Variants in PCDHA5 observed in about 807,000 individuals in gnomAD.
PCDHA5 encodes the protein protocadherin alpha-5.
PCDHA5 carries 43 observed loss-of-function variants against 61.6 expected under a neutral mutation model. That is an observed-to-expected ratio of 0.70 (90% CI 0.55 to 0.90). PCDHA5 has a LOEUF of 0.90. PCDHA5 is among the 40% of genes least tolerant of loss of function. PCDHA5 has a pLI of 0.00. For missense variants in PCDHA5, 1,298 were observed against 1,222.7 expected (o/e 1.06, Z -0.92); for synonymous variants, 627 against 543.9 (o/e 1.15, Z -2.13).
intron 1 of PCDHA5, among the ~76,000 whole-genome samples, chr5:140,963,448 A>G (rs567394961): frequency 1.3e-5 from 2 of 152,370 alleles, no homozygotes; most frequent in Non-Finnish European, 2.9e-5. Flanking sequence ...CTCTGTTGCT[A>G]AAGTATTTCT....
At chr5:140,932,707 A>G (rs147056775) in intron 1 of PCDHA5, among the ~76,000 whole-genome samples, 1 of 152,086 alleles carries the variant, frequency 6.6e-6, no homozygotes, top group African/African-American at 2.4e-5. Flanking sequence ...CATATAGACA[A>G]CACAATAATA....
In PCDHA5 at chr5:140,822,826, A is replaced by G; in HGVS notation, c.1051A>G (p.Ile351Val). 1.9e-6 allele frequency: 3 copies of G among 1,614,232 alleles called. No individual in the cohort carries two copies. The highest frequency in any genetic ancestry group is 2.5e-6 in the Non-Finnish European group (3 of 1,180,044). Residue 351 changes from isoleucine to valine, a missense_variant, in exon 1 of 4, where the codon ATA becomes GTA. Ile to Val is a conservative substitution (Grantham distance 29, BLOSUM62 3). Transcript: ENST00000529859. ...DVNDNTPEMA[I>V]TTLFLPVKED... is the part of the protein sequence containing the mutation. ...GAATGATAATACCCCAGAGATGGCC[A>G]TAACCACCCTTTTCCTGCCTGTCAA... is the stretch of plus-strand genomic sequence containing the variant.
intron 1 of PCDHA5, chr5:140,852,675 C>G: frequency 3.1e-6 from 3 of 968,904 alleles, no homozygotes; most frequent in Non-Finnish European, 3.7e-6. Context: ...CACAACTCAC[C>G]TTGAATATAG....
chr5:140,836,380 T>C (rs1554135890), intron 1 of PCDHA5: 1 of 1,613,746 alleles, frequency 6.2e-7, no homozygotes. Flanking sequence ...GCCACCGTGC[T>C]GGTGTCGCTG....
chr5:140,851,098 T>G lies in PCDHA5; in HGVS notation c.2352+26971T>G, dbSNP rs922217993. ...TAAACTGTATATTAAATAGATATTT[T>G]TTGGGTGCTGAATCAATTTTATTTA... On this transcript the variant is annotated intron_variant, in intron 1 of 3. Transcript: ENST00000529859. The G allele has an allele frequency of 1.5e-6, 2 of 1,293,414 alleles. 1 individual carries two copies. The highest frequency in any genetic ancestry group is 3.1e-5 in the African/African-American group (2 of 65,490). 80.1% of individuals were successfully genotyped at this position (1,293,414 alleles called of 1,614,324 possible).
chr5:140,907,083 G>T (rs770380704), intron 1 of PCDHA5, among the ~76,000 whole-genome samples: 56 of 152,144 alleles, frequency 3.7e-4, no homozygotes, highest in Non-Finnish European at 7.1e-4. Context: ...AGGGGTGATG[G>T]TAAGTGGTGC....
chr5:140,873,230 A>G (rs888976655), intron 1 of PCDHA5, among the ~76,000 whole-genome samples: 2 of 152,354 alleles, frequency 1.3e-5, no homozygotes, highest in Admixed American at 1.3e-4. Context: ...AGGCAACAAT[A>G]TAAAAATATA....
intron 1 of PCDHA5, chr5:140,870,140 C>G: frequency 6.2e-7 from 1 of 1,614,040 alleles, no homozygotes; most frequent in Non-Finnish European, 8.5e-7. Flanking sequence ...AACGATAACT[C>G]TCCTGAAGTC....
chr5:140,853,637 C>T lies in PCDHA5; in HGVS notation c.2352+29510C>T, dbSNP rs1261449474. 3.6e-5 allele frequency: 36 copies of T among 988,398 alleles called. 4 individuals carry two copies. The highest frequency in any genetic ancestry group is 4.4e-5 in the Non-Finnish European group (36 of 820,538). 61.2% of individuals were successfully genotyped at this position (988,398 alleles called of 1,614,324 possible). On this transcript the variant is annotated intron_variant, in intron 1 of 3. Coordinates refer to ENST00000529859, the MANE Select transcript of PCDHA5 (RefSeq NM_018908.3). ...TAAATAAGTATACAAGATCACAGAC[C>T]TAAATTGAGCCTGTTCCAGACAAAT... is the stretch of plus-strand genomic sequence containing the variant.
chr5:141,009,021 G>A (rs997779963), intron 3 of PCDHA5, among the ~76,000 whole-genome samples: 1 of 152,246 alleles, frequency 6.6e-6, no homozygotes, highest in Non-Finnish European at 1.5e-5. Context: ...TTTAGGCTCT[G>A]TATTTCCCAT....
At chr5:140,977,599 AC>A (rs782213571) in intron 1 of PCDHA5, among the ~76,000 whole-genome samples, 1 of 152,150 alleles carries the variant, frequency 6.6e-6, no homozygotes, top group Non-Finnish European at 1.5e-5. Context: ...GCATGTGAGG[AC>A]CATTGAGGTA....
At chr5:140,921,981 A>G (rs2080540156) in intron 1 of PCDHA5, among the ~76,000 whole-genome samples, 1 of 152,092 alleles carries the variant, frequency 6.6e-6, no homozygotes, top group Non-Finnish European at 1.5e-5. Flanking sequence ...AAATAGAACT[A>G]AAAAAGAGTT....
chr5:140,828,364 C>T (rs1769717460), intron 1 of PCDHA5: 1 of 1,614,276 alleles, frequency 6.2e-7, no homozygotes, highest in Non-Finnish European at 8.5e-7. Flanking sequence ...CTCGGATCGA[C>T]CGCGAGGAGC....
In PCDHA5 at chr5:141,010,093, T is replaced by A. The variant is rs2098416026; in HGVS notation, c.*156T>A. On this transcript the variant is annotated 3_prime_UTR_variant, in exon 4 of 4. Transcript: ENST00000529859. The stretch of plus-strand genomic sequence containing the variant: ...TTCCCTGTGTCTGTCTAGAACGCAT[T>A]TAACAGGTTTTGTCGTAAAAGCTTT... 4 of 1,612,692 alleles carry A rather than the reference T, an allele frequency of 2.5e-6. No homozygotes were observed. Among genetic ancestry groups the A allele is most frequent in the Non-Finnish European group, 3.4e-6 (4 of 1,179,392 alleles).
chr5:141,005,499 C>T (rs1399657712), intron 3 of PCDHA5, among the ~76,000 whole-genome samples: 1 of 151,380 alleles, frequency 6.6e-6, no homozygotes, highest in Non-Finnish European at 1.5e-5. Context: ...GTCAGGAGAT[C>T]GAGACCATCC....
At chr5:140,830,321 G>T (rs2150184954) in intron 1 of PCDHA5, 3 of 1,613,998 alleles carry the variant, frequency 1.9e-6, no homozygotes, top group Admixed American at 1.7e-5. Flanking sequence ...GTGCTCCAGC[G>T]CAGTGGGGAG....
At chr5:140,960,629 A>C (rs1370416431) in intron 1 of PCDHA5, among the ~76,000 whole-genome samples, 1 of 152,192 alleles carries the variant, frequency 6.6e-6, no homozygotes, top group Admixed American at 6.5e-5. Flanking sequence ...TTTGAAATAT[A>C]TTTTTAAAAC....
chr5:140,982,416 A>C, intron 2 of PCDHA5, 59 bp from the exon 3 acceptor site: 1 of 1,610,294 alleles, frequency 6.2e-7, no homozygotes, highest in Non-Finnish European at 8.5e-7. Context: ...TGAGGGTGGA[A>C]GAAGAGATGG....
At chr5:140,843,431 A>G (rs1554140071) in intron 1 of PCDHA5, 3 of 1,596,040 alleles carry the variant, frequency 1.9e-6, no homozygotes, top group South Asian at 1.1e-5. Flanking sequence ...GATCATCGCC[A>G]TCTGCGCGGT....
Sources: allele counts gnomAD v4.1 joint callset (sites outside exome capture counted in the v4.1 genomes callset), GRCh38; gene constraint gnomAD v4.1.1; transcripts MANE v1.5; gene names NCBI Gene and HGNC (gene_info 2026-07-23, HGNC 2026-07-21).